The following ATF3 variants were observed in gnomAD, a reference collection of about 807,000 sequenced individuals.
ATF3 encodes the protein cyclic AMP-dependent transcription factor ATF-3.
In ATF3, 10 loss-of-function variants were observed where a neutral mutation model predicts 18.4. The observed-to-expected ratio is 0.54, with a 90% CI of 0.34 to 0.92. The LOEUF (loss-of-function observed/expected upper bound fraction) is 0.92, where lower values mean the gene tolerates loss of function less well. Ranked by LOEUF, ATF3 falls within the 40% of genes least tolerant of loss-of-function variation. The probability of loss-of-function intolerance (pLI) is 0.02; values close to 1 mark genes in which losing one functional copy is unlikely to be tolerated. For missense variants in ATF3, 183 were observed against 222.3 expected, an observed-to-expected ratio of 0.82 and a Z score of 1.12; for synonymous variants, 78 against 87.9, an observed-to-expected ratio of 0.89 and a Z score of 0.63.
intron 1 of ATF3, among the ~76,000 whole-genome samples, chr1:212,599,115 C>G (rs1654404500): frequency 6.6e-6 from 1 of 152,208 alleles, no homozygotes; most frequent in Non-Finnish European, 1.5e-5. Context: ...CACATCCTCA[C>G]CAGCATTTGT....
upstream of ATF3, among the ~76,000 whole-genome samples, chr1:212,607,601 C>T (rs1654674424): frequency 6.6e-6 from 1 of 152,244 alleles, no homozygotes. Context: ...GCGGGTTCCG[C>T]CTGTGGTCAT....
chr1:212,588,753 G>A (rs552796595), intron 1 of ATF3, among the ~76,000 whole-genome samples: 4 of 152,036 alleles, frequency 2.6e-5, no homozygotes, highest in Non-Finnish European at 5.9e-5. Context: ...TAAATCATGT[G>A]TGTATACTGC....
intron 1 of ATF3, among the ~76,000 whole-genome samples, chr1:212,580,000 A>T (rs1664651241): frequency 6.6e-6 from 1 of 150,426 alleles, no homozygotes; most frequent in Admixed American, 6.6e-5. Flanking sequence ...AAAAAAACTT[A>T]GCTGGGCCTG....
chr1:212,593,311 G>A (rs1664924369), intron 1 of ATF3, among the ~76,000 whole-genome samples: 2 of 136,206 alleles, frequency 1.5e-5, no homozygotes, highest in South Asian at 2.8e-4. Flanking sequence ...GAGGGGGTAG[G>A]GATAGCATTA....
intron 1 of ATF3, among the ~76,000 whole-genome samples, chr1:212,574,691 G>A (rs1178806596): frequency 1.3e-5 from 2 of 152,098 alleles, no homozygotes; most frequent in African/African-American, 4.8e-5. Flanking sequence ...CTTTATGGCT[G>A]ATGTGAGTGA....
At chr1:212,579,336 C>T (rs1202427442) in intron 1 of ATF3, among the ~76,000 whole-genome samples, 2 of 152,114 alleles carry the variant, frequency 1.3e-5, no homozygotes, top group Admixed American at 1.3e-4. Flanking sequence ...CCTTCCTTTC[C>T]AAGCTTGGGA....
At position 212,619,374 on chromosome 1, in the gene ATF3, A is replaced by C. The variant is rs768439148; in HGVS notation, c.365A>C (p.Glu122Ala). The C allele has an allele frequency of 4.3e-6, 7 of 1,613,556 alleles. No individual in the cohort carries two copies. In the South Asian group the frequency reaches 7.7e-5, roughly 18 times the overall value. The change falls in exon 4 of 4, where the codon GAA (glutamate) becomes GCA (alanine). Residue 122 changes from glutamate to alanine, a missense_variant. By Grantham distance (107) the Glu-to-Ala change is moderately radical. Coordinates refer to ENST00000341491, the MANE Select transcript of ATF3 (RefSeq NM_001674.4). The surrounding 1 kb of genome is among the most constrained non-coding windows in gnomAD (Gnocchi z 4.4). ...GTCCCCCAGGAGTCGGAGAAGCTGG[A>C]AAGTGTGAATGCTGAACTGAAGGCT... is the stretch of plus-strand genomic sequence containing the variant. ...ECLQKESEKL[E>A]SVNAELKAQI...
chr1:212,569,730 T>A lies in ATF3; in HGVS notation c.-5+4247T>A, dbSNP rs150679878. On this transcript the variant is annotated intron_variant, in intron 1 of 3. Transcript: ENST00000366981. ...GGAGTTCCAATTAATGTAATTTTTT[T>A]AATGTAGTTTACCTTACTAATACTC... Among the ~76,000 whole-genome samples, 619 of 151,968 alleles carry A rather than the reference T, an allele frequency of 4.1e-3. 5 individuals carry two copies. Among genetic ancestry groups the A allele is most frequent in the African/African-American group, 0.014 (585 of 41,250 alleles).
At chr1:212,565,801 G>A (rs1391295715) in intron 1 of ATF3, among the ~76,000 whole-genome samples, 1 of 152,198 alleles carries the variant, frequency 6.6e-6, no homozygotes, top group African/African-American at 2.4e-5. Flanking sequence ...AGGCAGCGAT[G>A]CCATCTCGGT....
At position 212,615,322 on chromosome 1, in the gene ATF3, T is replaced by C. The variant is rs1655073235; in HGVS notation, c.240+61T>C. 2.5e-6 allele frequency: 4 copies of C among 1,572,818 alleles called. No homozygotes were observed. The South Asian group carries it at 4.6e-5, about 18-fold the overall frequency. On this transcript the variant is annotated intron_variant, in intron 2 of 3. Transcript: ENST00000341491. ...ATGTTTCGCTCGCAGCCACTGTGTG[T>C]TGGGCATGTTCTAGGCAGGGGGCTG...
intron 1 of ATF3, among the ~76,000 whole-genome samples, chr1:212,576,544 A>C (rs1477981792): frequency 6.6e-6 from 1 of 150,824 alleles, no homozygotes; most frequent in Non-Finnish European, 1.5e-5. Context: ...TTGTTTATTC[A>C]TTTTGCTTTT....
chr1:212,589,153 T>C (rs2102632322), intron 1 of ATF3, among the ~76,000 whole-genome samples: 1 of 152,272 alleles, frequency 6.6e-6, no homozygotes, highest in Admixed American at 6.5e-5. Context: ...AATGTGATCC[T>C]AGCACACTCG....
At chr1:212,597,247 G>A (rs1654307500) in intron 1 of ATF3, among the ~76,000 whole-genome samples, 2 of 152,054 alleles carry the variant, frequency 1.3e-5, no homozygotes, top group South Asian at 4.2e-4. Flanking sequence ...CAAGAAAAAA[G>A]GGGCCCTTAG....
At chr1:212,591,177 T>A (rs930842334) in intron 1 of ATF3, among the ~76,000 whole-genome samples, 8 of 152,182 alleles carry the variant, frequency 5.3e-5, no homozygotes, top group African/African-American at 1.7e-4. Flanking sequence ...TTGGAATGCT[T>A]TTCCCCACCT....
At chr1:212,601,032 G>A (rs1654470149) in intron 1 of ATF3, among the ~76,000 whole-genome samples, 1 of 152,212 alleles carries the variant, frequency 6.6e-6, no homozygotes, top group Non-Finnish European at 1.5e-5. Flanking sequence ...GTAGACTGCT[G>A]AGAGCAGTGT....
At position 212,615,164 on chromosome 1, in the gene ATF3, C is replaced by T. The variant is rs1358525747; in HGVS notation, c.143C>T (p.Ala48Val). 6.2e-7 allele frequency: 1 copy of T among 1,614,042 alleles called. No individual in the cohort carries two copies. The highest frequency in any genetic ancestry group is 1.3e-5 in the African/African-American group (1 of 74,902). The change falls in exon 2 of 4, where the codon GCC becomes GTC. Residue 48 changes from alanine (A) to valine (V), a missense_variant. Physicochemically the swap from Ala to Val is moderately conservative, Grantham distance 64. Transcript: ENST00000341491. ...TTTGTCAAGGAAGAGCTGAGGTTTG[C>T]CATCCAGAACAAGCACCTCTGCCAC... ...TPFVKEELRF[A>V]IQNKHLCHRM...
chr1:212,581,168 A>G (rs1455369217), intron 1 of ATF3, among the ~76,000 whole-genome samples: 4 of 152,244 alleles, frequency 2.6e-5, no homozygotes, highest in Non-Finnish European at 5.9e-5. Flanking sequence ...TCATGAGGAC[A>G]TGCAACACGG....
Position 212,618,516 on chromosome 1 carries a change from T to C in ATF3, c.348+282T>C. 1 of 478,928 alleles carries C rather than the reference T, an allele frequency of 2.1e-6. No individual in the cohort carries two copies. The highest frequency in any genetic ancestry group is 4.0e-5 in the East Asian group (1 of 24,804). 29.7% of individuals were successfully genotyped at this position (478,928 alleles called of 1,614,324 possible). The stretch of plus-strand genomic sequence containing the variant: ...CATACATGTCCATCAGCTTCCAGGC[T>C]GCAGGACATGCCAGCCCAGTTAAAG... On this transcript the variant is annotated intron_variant, in intron 3 of 3. Transcript: ENST00000341491. The surrounding 1 kb of genome is among the most constrained non-coding windows in gnomAD (Gnocchi z 4.4).
In ATF3 at chr1:212,618,381, G is replaced by T. The variant is rs188637581; in HGVS notation, c.348+147G>T. 4.9e-6 allele frequency: 4 copies of T among 817,084 alleles called. No individual in the cohort carries two copies. In the Admixed American group the frequency reaches 7.2e-5, roughly 15 times the overall value. The allele number at this position is 817,084 out of a possible 1,614,324, so 50.6% of individuals were successfully genotyped here. On this transcript the variant is annotated intron_variant, in intron 3 of 3. Coordinates refer to ENST00000341491, the MANE Select transcript of ATF3 (RefSeq NM_001674.4). The surrounding 1 kb of genome is among the most constrained non-coding windows in gnomAD (Gnocchi z 4.4). ...GTAGCTGGTAGCAGAAATGCCAGTT[G>T]CAGAATGAGGAGGTGGCAAAGCAGT...
Sources: allele counts gnomAD v4.1 joint callset (sites outside exome capture counted in the v4.1 genomes callset), GRCh38; gene constraint gnomAD v4.1.1; non-coding constraint Gnocchi (gnomAD v3.1); transcripts MANE v1.5; gene names NCBI Gene and HGNC (gene_info 2026-07-23, HGNC 2026-07-21).